The following WDFY2 variants were observed in gnomAD, a reference collection of about 807,000 sequenced individuals.
The protein encoded by WDFY2 is WD repeat and FYVE domain-containing protein 2.
Under a neutral mutation model 56.4 loss-of-function variants are expected in WDFY2, and 36 were observed. That is an observed-to-expected ratio of 0.64 (90% CI 0.49 to 0.84). The LOEUF is 0.84. Ranked by LOEUF, WDFY2 falls within the 40% of genes least tolerant of loss-of-function variation. The pLI is 0.00. For missense variants in WDFY2, 444 were observed against 512.2 expected (o/e 0.87, Z 1.29); for synonymous variants, 176 against 183.7 (o/e 0.96, Z 0.34).
At chr13:51,603,073 T>C (rs1406182785) in intron 1 of WDFY2, among the ~76,000 whole-genome samples, 2 of 152,182 alleles carry the variant, frequency 1.3e-5, no homozygotes, top group Non-Finnish European at 2.9e-5. Flanking sequence ...CTGGGACTTT[T>C]ATGACTGATA....
chr13:51,684,730 C>T (rs1465220175), intron 3 of WDFY2, among the ~76,000 whole-genome samples: 2 of 152,138 alleles, frequency 1.3e-5, no homozygotes, highest in African/African-American at 2.4e-5. Flanking sequence ...GGTATCAGTG[C>T]CCATGGCCTG....
chr13:51,660,463 G>A (rs1955590412), intron 1 of WDFY2, 133 bp from the exon 2 acceptor site: 1 of 660,246 alleles, frequency 1.5e-6, no homozygotes, highest in Admixed American at 2.6e-5. Flanking sequence ...GCCTCTCAAA[G>A]TGCTGGGACA....
At chr13:51,724,160 A>G (rs1312882040) in intron 5 of WDFY2, among the ~76,000 whole-genome samples, 1 of 141,320 alleles carries the variant, frequency 7.1e-6, no homozygotes, top group African/African-American at 2.6e-5. Context: ...CCATCTTTTT[A>G]TTTTATGTTC....
intron 1 of WDFY2, among the ~76,000 whole-genome samples, chr13:51,626,841 T>C (rs1954842624): frequency 6.6e-6 from 1 of 152,218 alleles, no homozygotes; most frequent in Non-Finnish European, 1.5e-5. Context: ...GCCTTCTGCC[T>C]GAGTAATGCT....
At chr13:51,707,484 A>T (rs1386084101) in intron 4 of WDFY2, among the ~76,000 whole-genome samples, 1 of 152,192 alleles carries the variant, frequency 6.6e-6, no homozygotes, top group Non-Finnish European at 1.5e-5. Context: ...AAAGAAGAAA[A>T]AACTTCCAAC....
At chr13:51,654,644 GTTT>G (rs1248959229) in intron 1 of WDFY2, among the ~76,000 whole-genome samples, 1 of 152,082 alleles carries the variant, frequency 6.6e-6, no homozygotes, top group Non-Finnish European at 1.5e-5. Flanking sequence ...AGGGAAAAAT[GTTT>G]TTCATGTTGC....
At chr13:51,645,276 T>C (rs571646333) in intron 1 of WDFY2, among the ~76,000 whole-genome samples, 244 of 152,194 alleles carry the variant, frequency 1.6e-3, no homozygotes, top group African/African-American at 5.3e-3. Flanking sequence ...TGTAGAAAAG[T>C]ATTCCCTGGA....
chr13:51,620,128 A>G (rs59432874), intron 1 of WDFY2, among the ~76,000 whole-genome samples: 5,972 of 144,878 alleles, frequency 0.041, 206 homozygotes, highest in African/African-American at 0.095. Context: ...TGATGCAACA[A>G]TTTAATAACT....
At chr13:51,654,553 C>G (rs943517422) in intron 1 of WDFY2, among the ~76,000 whole-genome samples, 2 of 152,004 alleles carry the variant, frequency 1.3e-5, no homozygotes, top group South Asian at 2.1e-4. Flanking sequence ...TCCACCCAGA[C>G]TTTTTTTCCC....
intron 3 of WDFY2, among the ~76,000 whole-genome samples, chr13:51,694,925 A>G (rs561193280): frequency 2.0e-5 from 3 of 151,512 alleles, no homozygotes; most frequent in African/African-American, 7.3e-5. Flanking sequence ...ACTTCATTTC[A>G]TTCATTTGAT....
chr13:51,671,572 G>T (rs1955807004), intron 2 of WDFY2, among the ~76,000 whole-genome samples: 1 of 151,972 alleles, frequency 6.6e-6, no homozygotes, highest in Admixed American at 6.5e-5. Context: ...TTGTGTGTGT[G>T]TGCTAATTTG....
intron 1 of WDFY2, among the ~76,000 whole-genome samples, chr13:51,644,031 G>T (rs566701387): frequency 6.6e-6 from 1 of 152,300 alleles, no homozygotes; most frequent in Non-Finnish European, 1.5e-5. Context: ...GGTACAGTGG[G>T]ATTCTGGAGC....
At chr13:51,661,100 C>G (rs1955603606) in intron 2 of WDFY2, among the ~76,000 whole-genome samples, 1 of 152,198 alleles carries the variant, frequency 6.6e-6, no homozygotes, top group Admixed American at 6.5e-5. Context: ...GAAGGATTTG[C>G]TTAGGATTGA....
At chr13:51,677,226 T>TA (rs1214442338) in intron 3 of WDFY2, among the ~76,000 whole-genome samples, 2 of 152,188 alleles carry the variant, frequency 1.3e-5, no homozygotes, top group African/African-American at 4.8e-5. Context: ...AACCTTAACT[T>TA]ACTCCAGTCT....
chr13:51,722,787 G>T (rs565373068), intron 5 of WDFY2, among the ~76,000 whole-genome samples: 1 of 152,158 alleles, frequency 6.6e-6, no homozygotes, highest in Admixed American at 6.5e-5. Flanking sequence ...ATTTCCCAAA[G>T]ACCCCATGGC....
intron 2 of WDFY2, among the ~76,000 whole-genome samples, chr13:51,664,396 T>C (rs1955664700): frequency 6.6e-6 from 1 of 152,190 alleles, no homozygotes. Context: ...AGGGCCATTT[T>C]ACTGGGAACA....
At chr13:51,666,664 C>A (rs909433827) in intron 2 of WDFY2, among the ~76,000 whole-genome samples, 1 of 152,162 alleles carries the variant, frequency 6.6e-6, no homozygotes, top group African/African-American at 2.4e-5. Flanking sequence ...AAACATGAAA[C>A]TTAACTGAAT....
intron 1 of WDFY2, among the ~76,000 whole-genome samples, chr13:51,631,005 C>G (rs995674383): frequency 6.6e-6 from 1 of 151,264 alleles, no homozygotes; most frequent in Non-Finnish European, 1.5e-5. Context: ...GTCTCGAACT[C>G]CTGACCTCAG....
intron 1 of WDFY2, among the ~76,000 whole-genome samples, chr13:51,628,002 A>G (rs1431242069): frequency 6.6e-6 from 1 of 152,110 alleles, no homozygotes; most frequent in Non-Finnish European, 1.5e-5. Flanking sequence ...GGCTCAGAAA[A>G]AGCACCATAA....
Sources: gnomAD v4.1 joint callset for allele counts (sites outside exome capture counted in the v4.1 genomes callset) on GRCh38, gnomAD v4.1.1 for gene constraint, MANE v1.5 for transcripts, NCBI Gene and HGNC (gene_info 2026-07-23, HGNC 2026-07-21) for gene names.